Variants in ELMO1 observed in about 807,000 individuals in gnomAD.
The protein encoded by ELMO1 is engulfment and cell motility 1, also known as engulfment and cell motility protein 1.
ELMO1 carries 26 observed loss-of-function variants against 98.9 expected under a neutral mutation model. That is an observed-to-expected ratio of 0.26 (90% confidence interval 0.19 to 0.36). The LOEUF (loss-of-function observed/expected upper bound fraction) is 0.36, where lower values mean the gene tolerates loss of function less well. Ranked by LOEUF, ELMO1 falls within the 10% of genes least tolerant of loss-of-function variation. The pLI is 1.00. For missense variants in ELMO1, 627 were observed against 935.2 expected (o/e 0.67, Z 4.30); for synonymous variants, 346 against 346.0 (o/e 1.00, Z 0.00).
At chr7:37,254,802 CTTTT>C (rs1171970331) in intron 6 of ELMO1, among the ~76,000 whole-genome samples, 1 of 152,140 alleles carries the variant, frequency 6.6e-6, no homozygotes, top group Non-Finnish European at 1.5e-5. Context: ...TGTGATACTC[CTTTT>C]TTTAAGAAAG....
At chr7:37,174,541 G>C (rs556678543) in intron 13 of ELMO1, among the ~76,000 whole-genome samples, 7 of 152,210 alleles carry the variant, frequency 4.6e-5, no homozygotes, top group Admixed American at 6.5e-5. Flanking sequence ...CATCTGTATC[G>C]AGCGGGCTAT....
chr7:37,365,958 T>C (rs1020978196), intron 1 of ELMO1, among the ~76,000 whole-genome samples: 1 of 152,220 alleles, frequency 6.6e-6, no homozygotes, highest in African/African-American at 2.4e-5. Context: ...TAAGAAAATA[T>C]CTGATAGATG....
chr7:37,411,443 G>A (rs1230206474), intron 1 of ELMO1, among the ~76,000 whole-genome samples: 4 of 152,154 alleles, frequency 2.6e-5, no homozygotes, highest in African/African-American at 9.7e-5. Context: ...TAATATCCTC[G>A]TGCTTTTCAT....
chr7:36,948,947 C>T (rs974323875), intron 16 of ELMO1, among the ~76,000 whole-genome samples: 39 of 152,224 alleles, frequency 2.6e-4, no homozygotes, highest in African/African-American at 9.4e-4. Flanking sequence ...CCTCTGTCTC[C>T]CAGGTTCAAG....
At chr7:36,865,596 T>C (rs1479178683) in intron 20 of ELMO1, among the ~76,000 whole-genome samples, 1 of 152,198 alleles carries the variant, frequency 6.6e-6, no homozygotes, top group Non-Finnish European at 1.5e-5. Flanking sequence ...CTTGTGCCTT[T>C]TCAGACTTTT....
At chr7:37,193,169 G>A (rs1185603604) in intron 13 of ELMO1, among the ~76,000 whole-genome samples, 1 of 151,758 alleles carries the variant, frequency 6.6e-6, no homozygotes, top group East Asian at 1.9e-4. Context: ...GTATTACCTT[G>A]TAAAGTAAAA....
intron 14 of ELMO1, among the ~76,000 whole-genome samples, chr7:37,110,519 G>A (rs570164265): frequency 6.6e-6 from 1 of 152,298 alleles, no homozygotes. Flanking sequence ...GCCACTTAAA[G>A]TATACCTATG....
At chr7:37,014,201 T>A (rs1302596431) in intron 15 of ELMO1, among the ~76,000 whole-genome samples, 2 of 152,064 alleles carry the variant, frequency 1.3e-5, no homozygotes, top group Non-Finnish European at 2.9e-5. Flanking sequence ...GCCCCTCCCA[T>A]CATCCCATCT....
chr7:37,181,623 A>C (rs1327851314), intron 13 of ELMO1, among the ~76,000 whole-genome samples: 1 of 152,222 alleles, frequency 6.6e-6, no homozygotes, highest in Non-Finnish European at 1.5e-5. Context: ...AGAAATTCTC[A>C]ATAAATATTT....
At chr7:37,403,710 A>AT (rs979487617) in intron 1 of ELMO1, among the ~76,000 whole-genome samples, 8 of 151,306 alleles carry the variant, frequency 5.3e-5, no homozygotes, top group East Asian at 1.9e-4. Context: ...ACACCCAACT[A>AT]TTTTTTTTAT....
At chr7:37,176,093 G>A (rs1287487822) in intron 13 of ELMO1, among the ~76,000 whole-genome samples, 1 of 152,200 alleles carries the variant, frequency 6.6e-6, no homozygotes, top group Non-Finnish European at 1.5e-5. Context: ...ATATAGCTGA[G>A]AATATGCTGT....
intron 19 of ELMO1, among the ~76,000 whole-genome samples, chr7:36,871,514 G>A (rs1406765694): frequency 6.6e-6 from 1 of 152,172 alleles, no homozygotes; most frequent in Non-Finnish European, 1.5e-5. Flanking sequence ...GCCCCATATG[G>A]GTTTATGAAT....
chr7:37,161,568 A>G, intron 13 of ELMO1, among the ~76,000 whole-genome samples: 1 of 152,012 alleles, frequency 6.6e-6, no homozygotes. Flanking sequence ...ATTTATGAAG[A>G]TTTCTCTGGC....
At chr7:37,192,438 T>C (rs1398189979) in intron 13 of ELMO1, among the ~76,000 whole-genome samples, 1 of 141,664 alleles carries the variant, frequency 7.1e-6, no homozygotes, top group African/African-American at 2.7e-5. Flanking sequence ...GAGGTTGCAG[T>C]GAGCCAAGAC....
intron 7 of ELMO1, among the ~76,000 whole-genome samples, chr7:37,242,550 C>T (rs1369267546): frequency 6.6e-6 from 1 of 152,146 alleles, no homozygotes; most frequent in East Asian, 1.9e-4. Context: ...AAAACACTGT[C>T]AATATTCAGA....
intron 4 of ELMO1, among the ~76,000 whole-genome samples, chr7:37,291,088 G>A (rs1295507498): frequency 6.6e-6 from 1 of 152,074 alleles, no homozygotes; most frequent in Admixed American, 6.5e-5. Context: ...TATGAAAGAA[G>A]TGACAATGCA....
chr7:37,070,937 C>T (rs923045573), intron 15 of ELMO1, among the ~76,000 whole-genome samples: 4 of 152,150 alleles, frequency 2.6e-5, no homozygotes, highest in Non-Finnish European at 5.9e-5. Flanking sequence ...AGATTTATGT[C>T]AATGAGCCTA....
At chr7:37,279,198 G>T (rs1466611846) in intron 4 of ELMO1, among the ~76,000 whole-genome samples, 1 of 143,880 alleles carries the variant, frequency 7.0e-6, no homozygotes, top group Non-Finnish European at 1.5e-5. Context: ...GCGAAACTCC[G>T]TTTCAAAAAC....
At chr7:37,238,324 T>C (rs1794585629) in intron 7 of ELMO1, among the ~76,000 whole-genome samples, 1 of 152,228 alleles carries the variant, frequency 6.6e-6, no homozygotes, top group Non-Finnish European at 1.5e-5. Flanking sequence ...ATGATTTTGA[T>C]ACTTTATAAG....
Sources: gnomAD v4.1 joint callset for allele counts (sites outside exome capture counted in the v4.1 genomes callset) on GRCh38, gnomAD v4.1.1 for gene constraint, MANE v1.5 for transcripts, NCBI Gene and HGNC (gene_info 2026-07-23, HGNC 2026-07-21) for gene names.